Variants in PLEKHG7 observed in about 807,000 individuals in gnomAD.
PLEKHG7 encodes the protein pleckstrin homology domain-containing family G member 7.
Under a neutral mutation model 85.2 loss-of-function variants are expected in PLEKHG7, and 77 were observed. The ratio of observed to expected loss-of-function variants is 0.90; its 90% CI spans 0.75 to 1.09. The LOEUF (loss-of-function observed/expected upper bound fraction) is 1.09, where lower values mean the gene tolerates loss of function less well. Among genes scored for constraint, PLEKHG7 ranks in the 50% least tolerant of loss-of-function variants. The pLI is 0.00. For missense variants in PLEKHG7, 777 were observed against 804.3 expected (o/e 0.97, Z 0.41); for synonymous variants, 301 against 302.4 (o/e 1.00, Z 0.05).
chr12:92,749,182 T>G (rs1210277573), intron 10 of PLEKHG7, among the ~76,000 whole-genome samples: 2 of 152,214 alleles, frequency 1.3e-5, no homozygotes, highest in Admixed American at 1.3e-4. Context: ...AAATTTACCC[T>G]CCACACCACA....
At chr12:92,719,196 C>A (rs1169747340) in intron 3 of PLEKHG7, among the ~76,000 whole-genome samples, 1 of 152,176 alleles carries the variant, frequency 6.6e-6, no homozygotes, top group Non-Finnish European at 1.5e-5. Flanking sequence ...ACCAAGAGAA[C>A]TGTAGTTCAA....
At chr12:92,735,298 G>A (rs917940188) in intron 5 of PLEKHG7, among the ~76,000 whole-genome samples, 58 of 152,154 alleles carry the variant, frequency 3.8e-4, no homozygotes, top group African/African-American at 1.4e-3. Context: ...TGCTGTGGAG[G>A]CTAATGAGTC....
intron 3 of PLEKHG7, among the ~76,000 whole-genome samples, chr12:92,711,344 G>C (rs995181650): frequency 6.6e-6 from 1 of 152,152 alleles, no homozygotes; most frequent in Non-Finnish European, 1.5e-5. Context: ...GGTGCAGACT[G>C]GGGGAGAGAA....
rs150904383 is a variant in PLEKHG7 at position 92,709,359 on chromosome 12, A to T, written c.530+1687A>T. ...AGCTTCTGGCTTGTTCAACTGGGTA[A>T]CCAAGGTGTCCATTCACTGACCTAG... On this transcript the variant is annotated intron_variant, in intron 3 of 16. Coordinates refer to ENST00000344636, the MANE Select transcript of PLEKHG7 (RefSeq NM_001377329.1). Among the ~76,000 whole-genome samples, 338 of 152,334 alleles carry T rather than the reference A, an allele frequency of 2.2e-3. 1 individual carries two copies. Among genetic ancestry groups the T allele is most frequent in the African/African-American group, 7.6e-3 (314 of 41,574 alleles).
In PLEKHG7 at chr12:92,706,897, C is replaced by T. The variant is rs1434942782; in HGVS notation, c.266C>T (p.Pro89Leu). Residue 89 changes from proline (P) to leucine (L), a missense_variant, in exon 2 of 17, where the codon CCA becomes CTA. Pro to Leu is a moderately conservative substitution (Grantham distance 98). This residue lies in a region of PLEKHG7 where 252 missense variants were observed against 241.9 expected (regional missense o/e 1.04). Transcript: ENST00000344636. ...CCATGTTACCTTTCGAAGAGCCTGC[C>T]AGGAAGCCCAAAGGATTCTTCACAC... ...GFPCYLSKSL[P>L]GSPKDSSHLL... The T allele has an allele frequency of 1.9e-6, 3 of 1,614,060 alleles. No homozygotes were observed. In the Admixed American group the frequency reaches 5.0e-5, roughly 27 times the overall value.
intron 3 of PLEKHG7, among the ~76,000 whole-genome samples, chr12:92,727,971 T>TATAC (rs1481169097): frequency 1.3e-5 from 2 of 148,480 alleles, no homozygotes; most frequent in Non-Finnish European, 3.0e-5. Context: ...TGTATATATA[T>TATAC]ATATACACAT....
chr12:92,761,634 GAAAGAAAGAAAGAAAGAAAGA>G (rs2136629920), intron 13 of PLEKHG7, 97 bp from the exon 14 acceptor site: 1 of 278,166 alleles, frequency 3.6e-6, no homozygotes, highest in East Asian at 1.3e-4. Context: ...AAGAAAGAAA[GAAAGAAAGAAAGAAAGAAAGA>G]AAGAAAGAAA....
rs777456773 is a variant in PLEKHG7 at position 92,771,097 on chromosome 12, T to C, written c.*902T>C. 2.0e-5 allele frequency: 3 copies of C among 151,908 alleles called. No individual in the cohort carries two copies. Among genetic ancestry groups the C allele is most frequent in the Non-Finnish European group, 2.9e-5 (2 of 67,926 alleles). The allele number at this position is 151,908 out of a possible 1,614,324, so 9.4% of individuals were successfully genotyped here. ...CAGAATTTTTATCATGAAAGGCAGT[T>C]TGAATAATTATTATCATGGCAGGAT... On this transcript the variant is annotated 3_prime_UTR_variant, in exon 17 of 17. Transcript: ENST00000344636.
intron 15 of PLEKHG7, among the ~76,000 whole-genome samples, chr12:92,768,229 A>G (rs1052213168): frequency 4.6e-5 from 7 of 152,082 alleles, no homozygotes; most frequent in Non-Finnish European, 7.4e-5. Context: ...AAAAGAGAGA[A>G]AAAAGAATGT....
At chr12:92,751,227 C>A (rs977360852) in intron 10 of PLEKHG7, among the ~76,000 whole-genome samples, 5 of 152,208 alleles carry the variant, frequency 3.3e-5, no homozygotes, top group Non-Finnish European at 7.3e-5. Context: ...CCATATCTTT[C>A]AGCACGTTGC....
At chr12:92,709,543 T>C (rs1871328290) in intron 3 of PLEKHG7, among the ~76,000 whole-genome samples, 1 of 152,166 alleles carries the variant, frequency 6.6e-6, no homozygotes, top group Non-Finnish European at 1.5e-5. Context: ...ACTATATGTA[T>C]ATTTGTGAGT....
At chr12:92,703,533 G>A (rs1404099729) in intron 1 of PLEKHG7, among the ~76,000 whole-genome samples, 2 of 152,256 alleles carry the variant, frequency 1.3e-5, no homozygotes, top group African/African-American at 4.8e-5. Flanking sequence ...ACAGGCCTGT[G>A]AGGGAGGTTC....
intron 3 of PLEKHG7, among the ~76,000 whole-genome samples, chr12:92,711,729 A>C (rs1871370495): frequency 6.6e-6 from 1 of 152,234 alleles, no homozygotes; most frequent in African/African-American, 2.4e-5. Flanking sequence ...TCCAAACAGC[A>C]TCTCTGTCTG....
intron 14 of PLEKHG7, among the ~76,000 whole-genome samples, chr12:92,763,658 A>T (rs1244987085): frequency 6.6e-6 from 1 of 151,976 alleles, no homozygotes. Context: ...CTACAAAAAA[A>T]TTAAAAAATT....
intron 2 of PLEKHG7, 122 bp from the exon 3 acceptor site, chr12:92,707,528 A>G (rs1389161759): frequency 1.1e-5 from 16 of 1,491,398 alleles, no homozygotes; most frequent in South Asian, 4.1e-5. Context: ...TTCCAATCCC[A>G]CCAAAATGTA....
intron 13 of PLEKHG7, 117 bp from the exon 14 acceptor site, chr12:92,761,623 GAAGAAAGAAAGA>G (rs10601568): frequency 0.096 from 68,869 of 716,566 alleles, 5,753 homozygotes; most frequent in East Asian, 0.21. Flanking sequence ...AAGAAAGAAA[GAAGAAAGAAAGA>G]AAGAAAGAAA....
intron 3 of PLEKHG7, among the ~76,000 whole-genome samples, chr12:92,719,611 C>A (rs983727293): frequency 1.2e-4 from 18 of 152,106 alleles, no homozygotes; most frequent in Admixed American, 1.2e-3. Flanking sequence ...ATTTTTATTC[C>A]TTTTAGACAC....
At chr12:92,760,177 C>T (rs999063724) in intron 13 of PLEKHG7, among the ~76,000 whole-genome samples, 10 of 152,164 alleles carry the variant, frequency 6.6e-5, no homozygotes, top group Non-Finnish European at 1.0e-4. Context: ...TCATATTCAG[C>T]AGCAAGGAAA....
chr12:92,753,919 A>G (rs1386219579), intron 10 of PLEKHG7, among the ~76,000 whole-genome samples, 171 bp from the exon 11 acceptor site: 5 of 152,242 alleles, frequency 3.3e-5, no homozygotes, highest in African/African-American at 4.8e-5. Context: ...TGCTAATGGA[A>G]CATGCACTTT....
Sources: allele counts gnomAD v4.1 joint callset (sites outside exome capture counted in the v4.1 genomes callset), GRCh38; gene constraint gnomAD v4.1.1; regional missense constraint gnomAD v4.1.1; transcripts MANE v1.5; gene names NCBI Gene and HGNC (gene_info 2026-07-23, HGNC 2026-07-21).